Variants in TSHZ3 observed in about 807,000 individuals in gnomAD.
The protein encoded by TSHZ3 is teashirt zinc finger homeobox 3.
TSHZ3 carries 10 observed loss-of-function variants against 64.5 expected under a neutral mutation model. That is an observed-to-expected ratio of 0.16 (90% CI 0.10 to 0.26). The LOEUF (loss-of-function observed/expected upper bound fraction) is 0.26, where lower values mean the gene tolerates loss of function less well. Ranked by LOEUF, TSHZ3 falls within the 10% of genes least tolerant of loss-of-function variation. The pLI is 1.00. For synonymous variants in TSHZ3, 608 were observed against 593.1 expected, an observed-to-expected ratio of 1.03 and a Z score of -0.36; for missense variants, 1,242 against 1,421.7, an observed-to-expected ratio of 0.87 and a Z score of 2.03.
intron 5 of TSHZ3, among the ~76,000 whole-genome samples, chr19:31,189,174 ATAGT>A (rs1366636199): frequency 6.6e-6 from 1 of 151,900 alleles, no homozygotes; most frequent in East Asian, 1.9e-4. Context: ...TTTAATTAAC[ATAGT>A]TAGTAATTCA....
intron 1 of TSHZ3, among the ~76,000 whole-genome samples, chr19:31,317,944 G>A (rs1599645028): frequency 1.3e-5 from 2 of 152,156 alleles, no homozygotes; most frequent in Admixed American, 1.3e-4. Flanking sequence ...TCGGCTGCAG[G>A]ACTGTAAAAG....
chr19:31,250,556 TG>T (rs1182635752), intron 1 of TSHZ3, among the ~76,000 whole-genome samples: 2 of 152,226 alleles, frequency 1.3e-5, no homozygotes, highest in Admixed American at 6.5e-5. Context: ...CTTAGCACAG[TG>T]CATTGTAATA....
chr19:31,175,478 G>C (rs370802320), intron 5 of TSHZ3, among the ~76,000 whole-genome samples: 16 of 152,130 alleles, frequency 1.1e-4, no homozygotes, highest in African/African-American at 3.9e-4. Flanking sequence ...ATTGGTTTTA[G>C]AAGCATTGCT....
intron 1 of TSHZ3, chr19:31,308,474 G>GAC: frequency 2.6e-6 from 1 of 391,034 alleles, no homozygotes; most frequent in Non-Finnish European, 4.5e-6. Context: ...ACAGCTTGGG[G>GAC]ACACAAGGGT....
chr19:31,269,430 C>T (rs970106633), intron 1 of TSHZ3, among the ~76,000 whole-genome samples: 4 of 152,028 alleles, frequency 2.6e-5, no homozygotes, highest in African/African-American at 9.7e-5. Flanking sequence ...TCCCGACAGA[C>T]ACACCTATCT....
intron 1 of TSHZ3, among the ~76,000 whole-genome samples, chr19:31,338,365 C>A (rs988540451): frequency 6.6e-5 from 10 of 152,248 alleles, no homozygotes; most frequent in African/African-American, 1.7e-4. Flanking sequence ...TGGGGCCCTG[C>A]AGAGGGGACA....
chr19:31,237,144 T>TCTAAGAAAAAACAA (rs1975628307), intron 3 of TSHZ3, among the ~76,000 whole-genome samples: 1 of 152,150 alleles, frequency 6.6e-6, no homozygotes, highest in Non-Finnish European at 1.5e-5. Context: ...CGAAACTCCG[T>TCTAAGAAAAAACAA]CTAAGAAAAA....
intron 5 of TSHZ3, among the ~76,000 whole-genome samples, chr19:31,172,570 A>C (rs1172258083): frequency 6.6e-6 from 1 of 152,260 alleles, no homozygotes; most frequent in Non-Finnish European, 1.5e-5. Context: ...ACAGTGAACA[A>C]AACTGGGAAA....
At chr19:31,311,886 G>C (rs1916468395) in intron 1 of TSHZ3, among the ~76,000 whole-genome samples, 2 of 152,052 alleles carry the variant, frequency 1.3e-5, no homozygotes, top group Non-Finnish European at 2.9e-5. Flanking sequence ...ACCACGCCTG[G>C]CAAATTTTTG....
chr19:31,248,801 AAAG>A (rs910177996), intron 1 of TSHZ3, among the ~76,000 whole-genome samples: 4 of 151,758 alleles, frequency 2.6e-5, no homozygotes, highest in African/African-American at 7.3e-5. Context: ...AAAAAAAAAA[AAAG>A]AAGAAGAAGG....
At chr19:31,223,473 G>A (rs1476145608) in intron 4 of TSHZ3, among the ~76,000 whole-genome samples, 1 of 151,148 alleles carries the variant, frequency 6.6e-6, no homozygotes, top group Non-Finnish European at 1.5e-5. Flanking sequence ...AAAAAAGTAG[G>A]TATATATTTA....
intron 1 of TSHZ3, among the ~76,000 whole-genome samples, chr19:31,257,945 A>T (rs1975933562): frequency 6.6e-6 from 1 of 152,236 alleles, no homozygotes; most frequent in Non-Finnish European, 1.5e-5. Flanking sequence ...GGAGCCAAGC[A>T]TTCCAGGGCA....
intron 1 of TSHZ3, among the ~76,000 whole-genome samples, chr19:31,269,459 C>T (rs1471199306): frequency 6.6e-6 from 1 of 151,998 alleles, no homozygotes; most frequent in Non-Finnish European, 1.5e-5. Flanking sequence ...CTCTTTTCCT[C>T]CCAGCTGTCT....
intron 1 of TSHZ3, among the ~76,000 whole-genome samples, chr19:31,291,120 C>T (rs555017431): frequency 4.6e-5 from 7 of 152,300 alleles, no homozygotes; most frequent in East Asian, 1.9e-4. Flanking sequence ...TGACAGGCTG[C>T]GGCTGCTCCT....
At chr19:31,153,489 C>T (rs1974266492) in intron 6 of TSHZ3, among the ~76,000 whole-genome samples, 1 of 152,198 alleles carries the variant, frequency 6.6e-6, no homozygotes, top group Non-Finnish European at 1.5e-5. Context: ...ATGGTGATGT[C>T]TGATTGGTGT....
In TSHZ3 at chr19:31,236,003, C is replaced by T. The variant is rs149201056; in HGVS notation, n.550+6266G>A. On this transcript the variant is annotated intron_variant and non_coding_transcript_variant, in intron 3 of 6. Transcript: ENST00000651361. ...AGGTGAGAGCTACCGTGCCCAGCCA[C>T]GTATTTGTTATTCATTCATGTGTCA... Among the ~76,000 whole-genome samples the T allele has an allele frequency of 5.8e-4, 89 of 152,176 alleles. 4 individuals carry two copies. Among genetic ancestry groups the T allele is most frequent in the African/African-American group, 1.9e-3 (80 of 41,528 alleles).
At chr19:31,260,349 C>T (rs11669432) in intron 1 of TSHZ3, among the ~76,000 whole-genome samples, 13,005 of 152,210 alleles carry the variant, frequency 0.085, 792 homozygotes, top group Non-Finnish European at 0.12. Context: ...ACAGCCAGTC[C>T]GGTGATACTA....
chr19:31,185,336 C>T (rs1974788817), intron 5 of TSHZ3, among the ~76,000 whole-genome samples: 1 of 152,214 alleles, frequency 6.6e-6, no homozygotes, highest in Admixed American at 6.5e-5. Flanking sequence ...CACACCTTCC[C>T]TTCCTCACAC....
chr19:31,227,973 C>A (rs1975491029), intron 4 of TSHZ3, among the ~76,000 whole-genome samples: 1 of 152,144 alleles, frequency 6.6e-6, no homozygotes, highest in Non-Finnish European at 1.5e-5. Flanking sequence ...TCCACACGGA[C>A]CCCCAACAAG....
Sources: allele counts gnomAD v4.1 joint callset (sites outside exome capture counted in the v4.1 genomes callset), GRCh38; gene constraint gnomAD v4.1.1; transcripts MANE v1.5; gene names NCBI Gene and HGNC (gene_info 2026-07-23, HGNC 2026-07-21).